SH3RF2: variants seen among roughly 807,000 people sequenced by gnomAD.
SH3RF2 encodes the protein SH3 domain containing ring finger 2.
Under a neutral mutation model 59.0 loss-of-function variants are expected in SH3RF2, and 43 were observed. The observed-to-expected ratio is 0.73, with a 90% CI of 0.57 to 0.94. The LOEUF is 0.94. SH3RF2 is among the 40% of genes least tolerant of loss of function. The probability of loss-of-function intolerance (pLI) is 0.00; values close to 1 mark genes in which losing one functional copy is unlikely to be tolerated. For missense variants in SH3RF2, 930 were observed against 940.1 expected (o/e 0.99, Z 0.14); for synonymous variants, 391 against 391.5 (o/e 1.00, Z 0.01).
chr5:146,010,845 TG>T (rs2149991097), intron 4 of SH3RF2, among the ~76,000 whole-genome samples: 1 of 152,322 alleles, frequency 6.6e-6, no homozygotes, highest in African/African-American at 2.4e-5. Flanking sequence ...TTCACTCCGA[TG>T]GCAGTTTCTT....
intron 5 of SH3RF2, among the ~76,000 whole-genome samples, chr5:146,040,452 T>C (rs1021228279): frequency 6.6e-6 from 1 of 151,932 alleles, no homozygotes; most frequent in Non-Finnish European, 1.5e-5. Flanking sequence ...TGTGGCCTGC[T>C]CAAAGAGCTA....
downstream of SH3RF2, among the ~76,000 whole-genome samples, chr5:146,066,595 C>T (rs1763110740): frequency 6.6e-6 from 1 of 152,108 alleles, no homozygotes; most frequent in African/African-American, 2.4e-5. Flanking sequence ...ACAGACTAGT[C>T]TTGGAAGTAG....
intron 5 of SH3RF2, among the ~76,000 whole-genome samples, chr5:146,021,970 A>G (rs1345525069): frequency 6.6e-6 from 1 of 152,206 alleles, no homozygotes; most frequent in African/African-American, 2.4e-5. Flanking sequence ...TATTGTTGTT[A>G]TTTTAAAACT....
At chr5:146,069,982 GAAAA>G (rs11430700) in intron 9 of SH3RF2, among the ~76,000 whole-genome samples, 1 of 143,282 alleles carries the variant, frequency 7.0e-6, no homozygotes, top group Admixed American at 6.9e-5. Flanking sequence ...AATGGAAACT[GAAAA>G]AAAAAAAAAA....
In SH3RF2 at chr5:146,017,381, T is replaced by G. The variant is rs542027590; in HGVS notation, c.1059+3320T>G. Among the ~76,000 whole-genome samples the G allele has an allele frequency of 4.6e-5, 7 of 152,200 alleles. No homozygotes were observed. In the South Asian group the frequency reaches 8.3e-4, roughly 18 times the overall value. ...AGAAATGCCTCTTTGGGGAGTCACA[T>G]GTGCAGGGCCCTCCCTGGAGATTCT... is the stretch of plus-strand genomic sequence containing the variant. On this transcript the variant is annotated intron_variant, in intron 5 of 9. Transcript: ENST00000359120.
intron 2 of SH3RF2, among the ~76,000 whole-genome samples, chr5:145,944,324 C>T (rs1413755839): frequency 1.2e-4 from 18 of 150,752 alleles, no homozygotes; most frequent in African/African-American, 4.4e-4. Context: ...CAACTTTACT[C>T]AATTTCTTTT....
intron 8 of SH3RF2, 111 bp from the exon 9 acceptor site, chr5:146,059,755 T>C: frequency 1.4e-6 from 1 of 732,744 alleles, no homozygotes; most frequent in East Asian, 2.9e-5. Context: ...GCAGTCAGAT[T>C]AGGAAAGCGC....
intron 9 of SH3RF2, among the ~76,000 whole-genome samples, chr5:146,073,711 T>C (rs56393319): frequency 0.22 from 33,971 of 152,070 alleles, 4,861 homozygotes; most frequent in Admixed American, 0.34. Context: ...ATGTGCCAGG[T>C]GTTGTTCCGT....
At chr5:146,024,980 G>A (rs564460552) in intron 5 of SH3RF2, among the ~76,000 whole-genome samples, 170 of 152,198 alleles carry the variant, frequency 1.1e-3, no homozygotes, top group African/African-American at 3.6e-3. Context: ...GCCTTTTACC[G>A]GGTGGTTTGA....
chr5:145,973,841 G>A (rs1759181954), intron 2 of SH3RF2, among the ~76,000 whole-genome samples: 1 of 152,224 alleles, frequency 6.6e-6, no homozygotes, highest in African/African-American at 2.4e-5. Flanking sequence ...GAAGAATTAT[G>A]AAAGTTGTGA....
chr5:146,046,506 TG>T (rs1441555884), intron 5 of SH3RF2, among the ~76,000 whole-genome samples: 1 of 152,226 alleles, frequency 6.6e-6, no homozygotes, highest in Non-Finnish European at 1.5e-5. Context: ...CTGGATGGCA[TG>T]GAGAAGGTTT....
chr5:146,078,598 A>T (rs1031039093), exon 10 of SH3RF2: 1 of 152,248 alleles, frequency 6.6e-6, no homozygotes, highest in Non-Finnish European at 1.5e-5. Context: ...GGGATGGTAC[A>T]GGGATACCAA....
intron 2 of SH3RF2, among the ~76,000 whole-genome samples, chr5:145,962,671 T>C (rs553060508): frequency 1.3e-5 from 2 of 152,166 alleles, no homozygotes; most frequent in South Asian, 2.1e-4. Flanking sequence ...GCCGTCCTTC[T>C]TTCCCACCCC....
At chr5:146,076,283 C>T (rs973460558) in intron 9 of SH3RF2, among the ~76,000 whole-genome samples, 1 of 152,056 alleles carries the variant, frequency 6.6e-6, no homozygotes, top group Non-Finnish European at 1.5e-5. Flanking sequence ...TCACAGCTGC[C>T]GACACCAAGA....
chr5:146,009,006 G>C (rs1048812938), intron 4 of SH3RF2, among the ~76,000 whole-genome samples: 30 of 152,160 alleles, frequency 2.0e-4, no homozygotes, highest in African/African-American at 7.2e-4. Flanking sequence ...GTATAGATGT[G>C]CCAGAGCTTG....
At chr5:146,043,276 C>G (rs1191283058) in intron 5 of SH3RF2, 1 of 152,290 alleles carries the variant, frequency 6.6e-6, no homozygotes, top group Non-Finnish European at 1.5e-5. Flanking sequence ...AGCCTCTGAT[C>G]CATAGGTTCC....
intron 5 of SH3RF2, among the ~76,000 whole-genome samples, chr5:146,028,993 T>A (rs906692695): frequency 2.0e-5 from 3 of 152,080 alleles, no homozygotes; most frequent in African/African-American, 7.2e-5. Flanking sequence ...CATACATATG[T>A]AGTGAAAAGA....
intron 2 of SH3RF2, among the ~76,000 whole-genome samples, chr5:145,998,563 TA>T (rs1275042986): frequency 6.6e-6 from 1 of 152,146 alleles, no homozygotes; most frequent in Non-Finnish European, 1.5e-5. Context: ...ACCACCACAA[TA>T]AAGCTAATAC....
At chr5:145,969,145 C>T (rs186642349) in intron 2 of SH3RF2, among the ~76,000 whole-genome samples, 1 of 152,222 alleles carries the variant, frequency 6.6e-6, no homozygotes, top group Admixed American at 6.5e-5. Flanking sequence ...GCCAAACAGA[C>T]AAGCCAAGCC....
Sources: gnomAD v4.1 joint callset for allele counts (sites outside exome capture counted in the v4.1 genomes callset) on GRCh38, gnomAD v4.1.1 for gene constraint, MANE v1.5 for transcripts, NCBI Gene and HGNC (gene_info 2026-07-23, HGNC 2026-07-21) for gene names.